DOCK5: variants seen among roughly 807,000 people sequenced by gnomAD.
DOCK5 encodes dedicator of cytokinesis 5.
A neutral mutation model predicts 251.8 loss-of-function variants in DOCK5; 142 were observed. The ratio of observed to expected loss-of-function variants is 0.56; its 90% CI spans 0.49 to 0.65. DOCK5 has a LOEUF of 0.65. Ranked by LOEUF, DOCK5 falls within the 30% of genes least tolerant of loss-of-function variation. The pLI is 0.00. For missense variants in DOCK5, 2,111 were observed against 2,312.3 expected (o/e 0.91, Z 1.79); for synonymous variants, 842 against 835.5 (o/e 1.01, Z -0.13).
chr8:25,236,666 C>T (rs890786668), intron 1 of DOCK5, among the ~76,000 whole-genome samples: 3 of 152,150 alleles, frequency 2.0e-5, no homozygotes, highest in South Asian at 4.1e-4. Context: ...CTGCAGCCTC[C>T]GCCTCCCAGG....
At chr8:25,232,079 G>A (rs1802680950) in intron 1 of DOCK5, among the ~76,000 whole-genome samples, 1 of 152,166 alleles carries the variant, frequency 6.6e-6, no homozygotes. Flanking sequence ...CAAAGAAAAT[G>A]CTTTGTATGA....
intron 1 of DOCK5, among the ~76,000 whole-genome samples, chr8:25,231,262 A>G (rs903672324): frequency 5.9e-5 from 9 of 152,134 alleles, no homozygotes; most frequent in African/African-American, 1.9e-4. Flanking sequence ...ATATCTGAAT[A>G]TGCCATAATT....
intron 26 of DOCK5, among the ~76,000 whole-genome samples, chr8:25,350,641 G>C (rs760640997): frequency 5.3e-5 from 8 of 152,258 alleles, no homozygotes; most frequent in African/African-American, 1.4e-4. Context: ...TCACAGTTCT[G>C]GAGACTGAGT....
intron 1 of DOCK5, among the ~76,000 whole-genome samples, chr8:25,203,152 A>C (rs577231185): frequency 6.6e-6 from 1 of 152,378 alleles, no homozygotes; most frequent in South Asian, 2.1e-4. Context: ...TCATCATAGA[A>C]TATGAGGATA....
intron 1 of DOCK5, among the ~76,000 whole-genome samples, chr8:25,238,057 C>T (rs112834009): frequency 0.025 from 3,806 of 152,310 alleles, 179 homozygotes; most frequent in African/African-American, 0.087. Context: ...AGTGCATTAG[C>T]TGTACTCTCA....
intron 9 of DOCK5, among the ~76,000 whole-genome samples, chr8:25,301,115 C>T (rs776288911): frequency 7.9e-5 from 12 of 152,174 alleles, no homozygotes; most frequent in African/African-American, 2.7e-4. Flanking sequence ...CAAAGAGAAG[C>T]GTGCTCCCTT....
chr8:25,308,419 G>A (rs1201759690), intron 11 of DOCK5, among the ~76,000 whole-genome samples: 1 of 152,070 alleles, frequency 6.6e-6, no homozygotes, highest in African/African-American at 2.4e-5. Flanking sequence ...TCACTATCAA[G>A]CAGAAGTAGA....
Position 25,395,638 on chromosome 8 carries a change from C to T in DOCK5, c.4623C>T (p.Ser1541=), listed in dbSNP as rs775349807. Residue 1541 remains serine (S), a synonymous_variant, in exon 45 of 52, where the codon TCC becomes TCT. Transcript: ENST00000276440. ...TTCAGCAGCATGCCTGGGACCGGTCCCTCTCTGTGCACCCTCTCTCCATGC... is the reference window on the plus strand; with the variant it reads ...TTCAGCAGCATGCCTGGGACCGGTCTCTCTCTGTGCACCCTCTCTCCATGC... ...NCVQQHAWDR[S]LSVHPLSMLL... 1.2e-6 allele frequency: 2 copies of T among 1,613,608 alleles called. No individual in the cohort carries two copies. Among genetic ancestry groups the T allele is most frequent in the South Asian group, 2.2e-5 (2 of 91,028 alleles).
intron 14 of DOCK5, 65 bp from the exon 15 acceptor site, chr8:25,319,513 A>G (rs910596782): frequency 4.5e-6 from 5 of 1,116,080 alleles, no homozygotes; most frequent in South Asian, 1.4e-5. Flanking sequence ...TGTGCATGGT[A>G]TATGGGGTCC....
At chr8:25,345,792 T>A (rs979359517) in intron 26 of DOCK5, among the ~76,000 whole-genome samples, 181 bp downstream of exon 26, 34 of 151,938 alleles carry the variant, frequency 2.2e-4, no homozygotes, top group African/African-American at 8.2e-4. Context: ...AGATTACTGC[T>A]GGGGCCTTCT....
intron 45 of DOCK5, among the ~76,000 whole-genome samples, chr8:25,397,700 A>ATT (rs755340773): frequency 6.6e-6 from 1 of 152,222 alleles, no homozygotes; most frequent in African/African-American, 2.4e-5. Flanking sequence ...TTTTCCAAGT[A>ATT]TTAATTTTTA....
At position 25,373,959 on chromosome 8, in the gene DOCK5, T is replaced by C. The variant is rs531567927; in HGVS notation, c.3725+301T>C. Among the ~76,000 whole-genome samples, 48 of 152,268 alleles carry C rather than the reference T, an allele frequency of 3.2e-4. 1 individual carries two copies. In the South Asian group the frequency reaches 9.5e-3, roughly 30 times the overall value. ...GGCAGGAAAACCCACCCAAGAGTCT[T>C]AGCTTGAAGTCTGCGAATCCCTGAA... On this transcript the variant is annotated intron_variant, in intron 36 of 51. Coordinates refer to ENST00000276440, the MANE Select transcript of DOCK5 (RefSeq NM_024940.8).
chr8:25,248,278 A>C (rs1463232172), intron 2 of DOCK5, among the ~76,000 whole-genome samples: 1 of 152,214 alleles, frequency 6.6e-6, no homozygotes, highest in Non-Finnish European at 1.5e-5. Flanking sequence ...TTTATTATTT[A>C]AGGCAGCTCG....
intron 33 of DOCK5, 58 bp downstream of exon 33, chr8:25,368,783 C>A: frequency 6.6e-7 from 1 of 1,518,924 alleles, no homozygotes; most frequent in Non-Finnish European, 8.9e-7. Flanking sequence ...AATCATAACT[C>A]ATTTCTTTCT....
intron 13 of DOCK5, among the ~76,000 whole-genome samples, chr8:25,311,498 G>T (rs565151210): frequency 1.1e-3 from 164 of 147,206 alleles, no homozygotes; most frequent in Admixed American, 2.3e-3. Flanking sequence ...GGCCGAGATC[G>T]CACCACTGCA....
intron 47 of DOCK5, among the ~76,000 whole-genome samples, chr8:25,403,019 G>A (rs888410379): frequency 2.6e-5 from 4 of 152,138 alleles, no homozygotes; most frequent in South Asian, 2.1e-4. Flanking sequence ...GACTGTCTTC[G>A]ATTTAATGAG....
intron 1 of DOCK5, among the ~76,000 whole-genome samples, chr8:25,229,169 A>G (rs559732226): frequency 6.6e-6 from 1 of 152,310 alleles, no homozygotes; most frequent in African/African-American, 2.4e-5. Context: ...AATGCCACAC[A>G]TACGTTTCTT....
At chr8:25,327,324 A>AT (rs1197491836) in intron 18 of DOCK5, among the ~76,000 whole-genome samples, 2 of 152,202 alleles carry the variant, frequency 1.3e-5, no homozygotes, top group East Asian at 1.9e-4. Context: ...TCAAAATGTT[A>AT]TTTTTTAAAC....
intron 20 of DOCK5, among the ~76,000 whole-genome samples, chr8:25,333,614 G>A (rs567454400): frequency 1.3e-5 from 2 of 152,140 alleles, no homozygotes; most frequent in African/African-American, 4.8e-5. Context: ...CTGATTTTAG[G>A]TCATGTGCCT....
Sources: gnomAD v4.1 joint callset for allele counts (sites outside exome capture counted in the v4.1 genomes callset) on GRCh38, gnomAD v4.1.1 for gene constraint, MANE v1.5 for transcripts, NCBI Gene and HGNC (gene_info 2026-07-23, HGNC 2026-07-21) for gene names.